DNAAF9: variants seen among roughly 807,000 people sequenced by gnomAD.
DNAAF9 encodes the protein shulin.
Under a neutral mutation model 167.0 loss-of-function variants are expected in DNAAF9, and 90 were observed. The ratio of observed to expected loss-of-function variants is 0.54; its 90% CI spans 0.45 to 0.64. The LOEUF (loss-of-function observed/expected upper bound fraction) is 0.64. Ranked by LOEUF, DNAAF9 falls within the 30% of genes least tolerant of loss-of-function variation. The pLI, the probability that DNAAF9 is intolerant of heterozygous loss-of-function variation, is 0.00. For synonymous variants in DNAAF9, 491 were observed against 508.8 expected (o/e 0.96, Z 0.47); for missense variants, 1,315 against 1,442.2 (o/e 0.91, Z 1.43).
intron 31 of DNAAF9, among the ~76,000 whole-genome samples, chr20:3,261,009 T>C (rs575825336): frequency 8.6e-5 from 13 of 152,042 alleles, no homozygotes; most frequent in Non-Finnish European, 1.6e-4. Context: ...TACATATAGA[T>C]GTGTACACCT....
chr20:3,338,152 G>A (rs1287380177), intron 10 of DNAAF9, among the ~76,000 whole-genome samples: 2 of 151,440 alleles, frequency 1.3e-5, no homozygotes, highest in Non-Finnish European at 2.9e-5. Context: ...GGACAGATCT[G>A]CTAGTGATAA....
chr20:3,340,433 T>TCGGGGGGGGGGGGGCCCCCC, intron 10 of DNAAF9, 71 bp downstream of exon 10: 1 of 221,214 alleles, frequency 4.5e-6, no homozygotes, highest in African/African-American at 2.5e-5. Context: ...TTTGTCTAGC[T>TCGGGGGGGGGGGGGCCCCCC]CCCCCCACCC....
chr20:3,369,469 T>G (rs531485661), intron 6 of DNAAF9, among the ~76,000 whole-genome samples: 9 of 152,048 alleles, frequency 5.9e-5, no homozygotes, highest in African/African-American at 2.2e-4. Flanking sequence ...CCCCACTTCC[T>G]GGGTTTAAGC....
chr20:3,251,929 C>T lies in DNAAF9; in HGVS notation c.*643G>A, dbSNP rs568374075. ...CACACCTCTGGAAAGCAACAAGCCT[C>T]TCCTTCAGTTTAGTCCAGAAGGGAA... is the stretch of plus-strand genomic sequence containing the variant. On this transcript the variant is annotated 3_prime_UTR_variant, in exon 37 of 37. Transcript: ENST00000252032. 1 of 152,576 alleles carries T rather than the reference C, an allele frequency of 6.6e-6. No individual in the cohort carries two copies. The highest frequency in any genetic ancestry group is 2.4e-5 in the African/African-American group (1 of 41,610). The allele number at this position is 152,576 out of a possible 1,614,324, so 9.5% of individuals were successfully genotyped here.
At chr20:3,334,840 G>A (rs1300164824) in intron 10 of DNAAF9, among the ~76,000 whole-genome samples, 1 of 152,198 alleles carries the variant, frequency 6.6e-6, no homozygotes, top group East Asian at 1.9e-4. Flanking sequence ...TCACGACTCA[G>A]AAGGAAAAAG....
At chr20:3,255,533 G>A (rs901584530) in intron 34 of DNAAF9, among the ~76,000 whole-genome samples, 6 of 152,080 alleles carry the variant, frequency 3.9e-5, no homozygotes, top group African/African-American at 1.4e-4. Flanking sequence ...GGGAATGGTC[G>A]TGCCTCTTTG....
At chr20:3,308,290 G>A (rs925418906) in intron 20 of DNAAF9, among the ~76,000 whole-genome samples, 1 of 150,338 alleles carries the variant, frequency 6.7e-6, no homozygotes, top group Non-Finnish European at 1.5e-5. Flanking sequence ...TATGTTACAA[G>A]TAATATGCAG....
chr20:3,407,425 A>T, intron 1 of DNAAF9, 50 bp downstream of exon 1: 1 of 1,259,490 alleles, frequency 7.9e-7, no homozygotes, highest in South Asian at 2.7e-5. Flanking sequence ...GGACCCCGAC[A>T]GCCCGCATCC....
chr20:3,392,377 T>G (rs768977876), intron 1 of DNAAF9, among the ~76,000 whole-genome samples: 11 of 152,152 alleles, frequency 7.2e-5, no homozygotes, highest in Non-Finnish European at 1.3e-4. Context: ...TTTCCTTGGA[T>G]TCAGACTCAG....
Position 3,296,950 on chromosome 20 carries a change from C to T in DNAAF9, c.1930-1G>A. On this transcript the variant is annotated splice_acceptor_variant, in intron 22 of 36. Coordinates refer to ENST00000252032, the MANE Select transcript of DNAAF9 (RefSeq NM_001009984.3). LOFTEE classifies it high-confidence loss of function. The stretch of plus-strand genomic sequence containing the variant: ...CCTGCTGTTTCCAGAGGGAGAAGAC[C>T]TAAACAAAACAGAATTTGAGCAAAG... The T allele has an allele frequency of 6.3e-7, 1 of 1,579,742 alleles. No homozygotes were observed. The highest frequency in any genetic ancestry group is 8.7e-7 in the Non-Finnish European group (1 of 1,149,500).
chr20:3,350,156 G>GACACACACACACACACACACACAC (rs35251429), intron 7 of DNAAF9, among the ~76,000 whole-genome samples: 8 of 89,898 alleles, frequency 8.9e-5, no homozygotes, highest in Admixed American at 3.4e-4. Context: ...CAGACACACA[G>GACACACACACACACACACACACAC]ACACACACAC....
At chr20:3,335,554 C>T (rs1214024873) in intron 10 of DNAAF9, among the ~76,000 whole-genome samples, 3 of 151,812 alleles carry the variant, frequency 2.0e-5, no homozygotes, top group Non-Finnish European at 1.5e-5. Context: ...GTCAGGAGTT[C>T]GAGACCAGCC....
At chr20:3,302,402 C>T (rs1322794688) in intron 21 of DNAAF9, among the ~76,000 whole-genome samples, 2 of 152,162 alleles carry the variant, frequency 1.3e-5, no homozygotes, top group Non-Finnish European at 2.9e-5. Flanking sequence ...TCTCTTCTAG[C>T]TATTGTGAGA....
intron 27 of DNAAF9, among the ~76,000 whole-genome samples, chr20:3,283,765 G>A (rs2122871631): frequency 6.6e-6 from 1 of 151,688 alleles, no homozygotes; most frequent in Non-Finnish European, 1.5e-5. Context: ...ACATAAAACA[G>A]CCTACAGGAG....
chr20:3,351,140 T>C (rs2070314476), intron 7 of DNAAF9, among the ~76,000 whole-genome samples: 1 of 152,118 alleles, frequency 6.6e-6, no homozygotes. Flanking sequence ...TTACCAATGA[T>C]CAGGATAAAC....
At chr20:3,286,712 A>C (rs1241923386) in intron 27 of DNAAF9, among the ~76,000 whole-genome samples, 3 of 152,176 alleles carry the variant, frequency 2.0e-5, no homozygotes, top group African/African-American at 4.8e-5. Context: ...CTCCTTCCTC[A>C]GTACCACTCT....
intron 28 of DNAAF9, among the ~76,000 whole-genome samples, chr20:3,280,283 C>G (rs1210586789): frequency 1.3e-5 from 2 of 152,102 alleles, no homozygotes; most frequent in East Asian, 3.9e-4. Context: ...TAAAGTTTTA[C>G]TTAAAAAAAT....
At chr20:3,334,648 T>C (rs1863467971) in intron 10 of DNAAF9, among the ~76,000 whole-genome samples, 1 of 152,248 alleles carries the variant, frequency 6.6e-6, no homozygotes, top group Non-Finnish European at 1.5e-5. Context: ...AAAGTGACTG[T>C]ACCTTTTTGC....
At chr20:3,364,658 C>T (rs2083406835) in intron 6 of DNAAF9, among the ~76,000 whole-genome samples, 1 of 152,160 alleles carries the variant, frequency 6.6e-6, no homozygotes, top group Admixed American at 6.5e-5. Flanking sequence ...TACAACACAC[C>T]ATAGTCTATT....
Sources: gnomAD v4.1 joint callset for allele counts (sites outside exome capture counted in the v4.1 genomes callset) on GRCh38, gnomAD v4.1.1 for gene constraint, MANE v1.5 for transcripts, NCBI Gene and HGNC (gene_info 2026-07-23, HGNC 2026-07-21) for gene names.